The following ANKRD45 variants were observed in gnomAD, a reference collection of about 807,000 sequenced individuals.
The protein encoded by ANKRD45 is ankyrin repeat domain 45, also known as ankyrin repeat domain-containing protein 45.
In ANKRD45, 21 loss-of-function variants were observed where a neutral mutation model predicts 28.1. The ratio of observed to expected loss-of-function variants is 0.75; its 90% confidence interval spans 0.53 to 1.08. The LOEUF (loss-of-function observed/expected upper bound fraction) is 1.08, where lower values mean the gene tolerates loss of function less well. Among genes scored for constraint, ANKRD45 ranks in the 50% least tolerant of loss-of-function variants. The pLI, the probability that ANKRD45 is intolerant of heterozygous loss-of-function variation, is 0.00. For synonymous variants in ANKRD45, 86 were observed against 103.9 expected (o/e 0.83, Z 1.05); for missense variants, 261 against 308.7 (o/e 0.85, Z 1.16).
upstream of ANKRD45, among the ~76,000 whole-genome samples, chr1:173,674,185 T>C (rs1670341851): frequency 6.6e-6 from 1 of 152,092 alleles, no homozygotes; most frequent in East Asian, 1.9e-4. Flanking sequence ...AATTTTTTTT[T>C]GTATTTTTTG....
chr1:173,639,173 T>G (rs1050784693), intron 3 of ANKRD45, among the ~76,000 whole-genome samples: 1 of 152,208 alleles, frequency 6.6e-6, no homozygotes, highest in Non-Finnish European at 1.5e-5. Context: ...TAGAAAAATT[T>G]GGGCTGAGCA....
At chr1:173,680,432 C>T in the ANKRD45 span, among the ~76,000 whole-genome samples, 1 of 151,460 alleles carries the variant, frequency 6.6e-6, no homozygotes, top group African/African-American at 2.4e-5. Context: ...AGCAAACTAA[C>T]ACAAGAACAG....
chr1:173,679,946 C>T, the ANKRD45 span, among the ~76,000 whole-genome samples: 48 of 152,208 alleles, frequency 3.2e-4, no homozygotes, highest in African/African-American at 1.1e-3. Flanking sequence ...AAATGCTCAT[C>T]ATCACTGGTC....
the ANKRD45 span, among the ~76,000 whole-genome samples, chr1:173,681,046 G>A: frequency 6.6e-6 from 1 of 151,588 alleles, no homozygotes; most frequent in African/African-American, 2.4e-5. Flanking sequence ...CGGGTTGATG[G>A]GTACAGCAAA....
intron 3 of ANKRD45, chr1:173,635,741 G>C: frequency 1.3e-6 from 2 of 1,535,118 alleles, no homozygotes; most frequent in South Asian, 1.2e-5. Flanking sequence ...TATATTTCAG[G>C]GTTGTTTATA....
chr1:173,656,581 G>C (rs980315372), intron 2 of ANKRD45, among the ~76,000 whole-genome samples: 1 of 152,084 alleles, frequency 6.6e-6, no homozygotes, highest in East Asian at 1.9e-4. Flanking sequence ...TGTATGGCCC[G>C]ACATGGCCAG....
Position 173,646,827 on chromosome 1 carries a change from C to G in ANKRD45, c.496+19G>C, listed in dbSNP as rs1668954642. 18 of 1,609,770 alleles carry G rather than the reference C, an allele frequency of 1.1e-5. No homozygotes were observed. Among genetic ancestry groups the G allele is most frequent in the Admixed American group, 3.3e-5 (2 of 59,886 alleles). On this transcript the variant is annotated intron_variant, in intron 3 of 5. Coordinates refer to ENST00000333279, the MANE Select transcript of ANKRD45 (RefSeq NM_198493.3). ...TCATCACATCAGTCAGTTTGCTAAC[C>G]CCTTGTGAGCTTCCTTACCTGCCCA...
chr1:173,674,704 A>C (rs181921890), upstream of ANKRD45, among the ~76,000 whole-genome samples: 1 of 152,310 alleles, frequency 6.6e-6, no homozygotes, highest in East Asian at 1.9e-4. Flanking sequence ...AGTCTCTCCA[A>C]AGGAGGCAAT....
At chr1:173,682,958 G>C in the ANKRD45 span, among the ~76,000 whole-genome samples, 1 of 142,230 alleles carries the variant, frequency 7.0e-6, no homozygotes, top group East Asian at 2.0e-4. Context: ...TTTCTTTTTC[G>C]GGCCATTTTT....
At chr1:173,659,893 C>T (rs1489841522) in intron 1 of ANKRD45, among the ~76,000 whole-genome samples, 4 of 152,172 alleles carry the variant, frequency 2.6e-5, no homozygotes, top group African/African-American at 9.7e-5. Flanking sequence ...ACTGAAAGCA[C>T]TGTGTAAATT....
intron 5 of ANKRD45, among the ~76,000 whole-genome samples, chr1:173,614,201 C>T (rs979308555): frequency 3.3e-5 from 5 of 151,948 alleles, no homozygotes; most frequent in Non-Finnish European, 5.9e-5. Flanking sequence ...GCTGACCTTC[C>T]CTGCACTATT....
chr1:173,681,296 C>T, the ANKRD45 span, among the ~76,000 whole-genome samples: 2 of 151,998 alleles, frequency 1.3e-5, no homozygotes, highest in Admixed American at 6.6e-5. Flanking sequence ...CTAGAAAAAC[C>T]ATTATAATTT....
At chr1:173,640,860 G>T (rs1026773132) in intron 3 of ANKRD45, among the ~76,000 whole-genome samples, 1 of 152,142 alleles carries the variant, frequency 6.6e-6, no homozygotes, top group African/African-American at 2.4e-5. Flanking sequence ...AGACTTCCAC[G>T]GAAGAGGTTT....
intron 5 of ANKRD45, among the ~76,000 whole-genome samples, chr1:173,613,171 G>A (rs1202896533): frequency 5.3e-5 from 8 of 149,664 alleles, no homozygotes; most frequent in African/African-American, 9.9e-5. Flanking sequence ...GCCGCCCATC[G>A]TCTGAGATGC....
At position 173,609,712 on chromosome 1, in the gene ANKRD45, A is replaced by G. The variant is rs922604218; in HGVS notation, c.*433T>C. The G allele has an allele frequency of 6.4e-6, 1 of 157,320 alleles. No individual in the cohort carries two copies. The highest frequency in any genetic ancestry group is 1.4e-5 in the Non-Finnish European group (1 of 71,526). 9.7% of individuals were successfully genotyped at this position (157,320 alleles called of 1,614,324 possible). ...TGATAGTTGTACCCAGAGGCTCCTA[A>G]TCCAAGCTGGTCTTAATATTTCCTT... On this transcript the variant is annotated 3_prime_UTR_variant, in exon 6 of 6. Coordinates refer to ENST00000333279, the MANE Select transcript of ANKRD45 (RefSeq NM_198493.3).
At chr1:173,679,929 T>C in the ANKRD45 span, among the ~76,000 whole-genome samples, 4 of 152,098 alleles carry the variant, frequency 2.6e-5, no homozygotes, top group Non-Finnish European at 5.9e-5. Context: ...CCAGCAAACA[T>C]ATGAAAAAAT....
intron 3 of ANKRD45, among the ~76,000 whole-genome samples, chr1:173,632,259 G>A (rs1472735272): frequency 6.6e-6 from 1 of 151,834 alleles, no homozygotes. Context: ...TAAAGTTCTA[G>A]ACACATACAA....
At chr1:173,614,018 A>G (rs1558115563) in intron 5 of ANKRD45, among the ~76,000 whole-genome samples, 1 of 152,148 alleles carries the variant, frequency 6.6e-6, no homozygotes, top group Non-Finnish European at 1.5e-5. Context: ...TCAGGGTTAT[A>G]TGGATTAAGG....
At chr1:173,705,518 T>A in the ANKRD45 span, among the ~76,000 whole-genome samples, 1 of 147,962 alleles carries the variant, frequency 6.8e-6, no homozygotes, top group African/African-American at 2.5e-5. Context: ...AAAAAAAAAA[T>A]TAGCCAGGTG....
Sources: allele counts gnomAD v4.1 joint callset (sites outside exome capture counted in the v4.1 genomes callset), GRCh38; gene constraint gnomAD v4.1.1; transcripts MANE v1.5; gene names NCBI Gene and HGNC (gene_info 2026-07-23, HGNC 2026-07-21).